HEMK2: variants seen among roughly 807,000 people sequenced by gnomAD.
HEMK2 encodes HemK methyltransferase 2, ETF1 glutamine and histone H4 lysine.
chr21:28,598,322 T>C, the HEMK2 span, among the ~76,000 whole-genome samples: 1 of 152,224 alleles, frequency 6.6e-6, no homozygotes, highest in African/African-American at 2.4e-5. Flanking sequence ...TAAGGTTGCA[T>C]ATGAATGACA....
chr21:28,877,299 A>AGGAAGGAAGGAAGGAAGGAAGG, the HEMK2 span, among the ~76,000 whole-genome samples: 2 of 114,864 alleles, frequency 1.7e-5, no homozygotes, highest in Non-Finnish European at 3.9e-5. Flanking sequence ...GAAGGAAGGA[A>AGGAAGGAAGGAAGGAAGGAAGG]GAGAGAGAGA....
the HEMK2 span, among the ~76,000 whole-genome samples, chr21:28,858,264 T>C: frequency 6.6e-6 from 1 of 152,190 alleles, no homozygotes; most frequent in African/African-American, 2.4e-5. Flanking sequence ...CCCATCAGTA[T>C]GCCCTACTTC....
the HEMK2 span, among the ~76,000 whole-genome samples, chr21:28,854,567 C>A: frequency 6.6e-6 from 1 of 152,090 alleles, no homozygotes; most frequent in South Asian, 2.1e-4. Context: ...TATTAACTCA[C>A]AATCATAAGG....
the HEMK2 span, among the ~76,000 whole-genome samples, chr21:28,753,356 CAA>C: frequency 0.21 from 24,106 of 116,904 alleles, 2,241 homozygotes; most frequent in African/African-American, 0.3. Flanking sequence ...GACTCTGTCT[CAA>C]AAAAAAAAAA....
chr21:28,831,497 AAG>A, the HEMK2 span, among the ~76,000 whole-genome samples: 6 of 84,288 alleles, frequency 7.1e-5, 1 homozygote, highest in African/African-American at 2.1e-4. Context: ...GAAAGAAAGA[AAG>A]AAAGAAAGAA....
At chr21:28,800,786 G>A in the HEMK2 span, among the ~76,000 whole-genome samples, 1 of 152,094 alleles carries the variant, frequency 6.6e-6, no homozygotes, top group Non-Finnish European at 1.5e-5. Context: ...TTTAGAAAAG[G>A]CCAATTTTCA....
the HEMK2 span, among the ~76,000 whole-genome samples, chr21:28,767,849 T>C: frequency 6.6e-6 from 1 of 151,958 alleles, no homozygotes; most frequent in Admixed American, 6.6e-5. Flanking sequence ...TCATGAAACA[T>C]CCTCTCACAG....
At chr21:28,811,670 A>G in the HEMK2 span, among the ~76,000 whole-genome samples, 2 of 152,180 alleles carry the variant, frequency 1.3e-5, no homozygotes, top group African/African-American at 4.8e-5. Flanking sequence ...TACCAGCTTT[A>G]CAATAATTCT....
the HEMK2 span, among the ~76,000 whole-genome samples, chr21:28,850,476 G>A: frequency 5.9e-5 from 9 of 152,100 alleles, no homozygotes; most frequent in Admixed American, 3.3e-4. Context: ...CGCCTGCCTC[G>A]GCCTCCCAAA....
chr21:28,647,050 A>G, the HEMK2 span, among the ~76,000 whole-genome samples: 1 of 152,210 alleles, frequency 6.6e-6, no homozygotes, highest in Middle Eastern at 3.2e-3. Context: ...TCTTTTGAAA[A>G]TATGATTTTC....
chr21:28,661,319 C>G, the HEMK2 span, among the ~76,000 whole-genome samples: 151,375 of 152,120 alleles, frequency 1, 75,315 homozygotes, highest in East Asian at 1. Context: ...CATCTTTTCT[C>G]AAATATTTAG....
chr21:28,840,392 G>C, the HEMK2 span, among the ~76,000 whole-genome samples: 1 of 152,148 alleles, frequency 6.6e-6, no homozygotes. Flanking sequence ...AAGAGCTTTT[G>C]CATTGCAAAC....
the HEMK2 span, among the ~76,000 whole-genome samples, chr21:28,799,325 A>C: frequency 3.3e-5 from 5 of 152,248 alleles, 1 homozygote; most frequent in African/African-American, 1.2e-4. Context: ...AAATCATCAG[A>C]TCTCATGAGA....
chr21:28,685,840 TG>T, the HEMK2 span, among the ~76,000 whole-genome samples: 1 of 152,010 alleles, frequency 6.6e-6, no homozygotes, highest in Non-Finnish European at 1.5e-5. Context: ...AACAGGGAAT[TG>T]GTTCATGTAA....
chr21:28,603,549 ATGTGTGTG>A, the HEMK2 span, among the ~76,000 whole-genome samples: 605 of 135,820 alleles, frequency 4.5e-3, 5 homozygotes, highest in African/African-American at 0.012. Context: ...GAGGATATAT[ATGTGTGTG>A]TGTGTGTGTG....
At chr21:28,797,960 A>G in the HEMK2 span, among the ~76,000 whole-genome samples, 1 of 148,540 alleles carries the variant, frequency 6.7e-6, no homozygotes, top group Non-Finnish European at 1.5e-5. Flanking sequence ...TGATCCCACC[A>G]AACATTCTTC....
chr21:28,670,758 C>T, the HEMK2 span, among the ~76,000 whole-genome samples: 8 of 152,078 alleles, frequency 5.3e-5, no homozygotes, highest in African/African-American at 9.7e-5. Context: ...ACAGTTGTGG[C>T]GGAAGGCTAA....
chr21:28,717,548 C>T, the HEMK2 span, among the ~76,000 whole-genome samples: 1 of 144,172 alleles, frequency 6.9e-6, no homozygotes, highest in Non-Finnish European at 1.5e-5. Context: ...GGCATGCTCT[C>T]GGCTCACAGC....
the HEMK2 span, among the ~76,000 whole-genome samples, chr21:28,716,221 G>C: frequency 1.3e-5 from 2 of 152,074 alleles, no homozygotes; most frequent in Non-Finnish European, 1.5e-5. Context: ...ACATTACTTT[G>C]GCCAGTATGG....
Sources: allele counts gnomAD v4.1 joint callset (sites outside exome capture counted in the v4.1 genomes callset), GRCh38; gene constraint gnomAD v4.1.1; transcripts MANE v1.5; gene names NCBI Gene and HGNC (gene_info 2026-07-23, HGNC 2026-07-21).